The following ARMC9 variants were observed in gnomAD, a reference collection of about 807,000 sequenced individuals.
ARMC9 encodes the protein armadillo repeat containing 9.
ARMC9 carries 94 observed loss-of-function variants against 107.0 expected under a neutral mutation model. That is an observed-to-expected ratio of 0.88 (90% CI 0.74 to 1.04). The LOEUF is 1.04. Among genes scored for constraint, ARMC9 ranks in the 50% least tolerant of loss-of-function variants. The pLI is 0.00. For missense variants in ARMC9, 942 were observed against 1,030.1 expected (o/e 0.91, Z 1.17); for synonymous variants, 380 against 396.9 (o/e 0.96, Z 0.51).
At chr2:231,210,207 G>A (rs907226332) in intron 3 of ARMC9, among the ~76,000 whole-genome samples, 6 of 152,182 alleles carry the variant, frequency 3.9e-5, no homozygotes, top group Admixed American at 3.3e-4. Flanking sequence ...TGCCTGCTCC[G>A]CTTCAGGCCT....
At chr2:231,228,552 T>C (rs1456817408) in intron 7 of ARMC9, among the ~76,000 whole-genome samples, 1 of 152,226 alleles carries the variant, frequency 6.6e-6, no homozygotes, top group Non-Finnish European at 1.5e-5. Flanking sequence ...AGGAGGAAGC[T>C]GTATCACTTT....
At chr2:231,226,657 C>A in intron 6 of ARMC9, 117 bp from the exon 7 acceptor site, 2 of 1,251,924 alleles carry the variant, frequency 1.6e-6, no homozygotes, top group Non-Finnish European at 2.3e-6. Context: ...GCCCTCCCGG[C>A]TCCGAGAATT....
chr2:231,272,965 C>T lies in ARMC9; in HGVS notation c.1221C>T (p.Tyr407=), dbSNP rs765726557. 2 of 1,613,760 alleles carry T rather than the reference C, an allele frequency of 1.2e-6. No homozygotes were observed. The highest frequency in any genetic ancestry group is 1.7e-6 in the Non-Finnish European group (2 of 1,179,816). The change falls in exon 14 of 25, where the codon TAC becomes TAT. Residue 407 remains tyrosine (Y), a synonymous_variant. Coordinates refer to ENST00000611582, the MANE Select transcript of ARMC9 (RefSeq NM_001352754.2). ...CTGGTGTATTATCAGGTCGCCTCTA[C>T]CTTGCCCAGAACACAAAGGTGCTGC... ...AFASLAEGRL[Y]LAQNTKVLQM...
In ARMC9 at chr2:231,276,672, C is replaced by A. The variant is rs570319222; in HGVS notation, c.1371C>A (p.Leu457=). ...AGACAGCGATGATTCAAGACGGCCT[C>A]ATCTTCTGGCTGGTTGATGTTCTGA... The part of the protein sequence containing the change: ...PLQTAMIQDG[L]IFWLVDVLKD... Residue 457 remains leucine (L), a synonymous_variant, in exon 15 of 25, where the codon CTC becomes CTA. Coordinates refer to ENST00000611582, the MANE Select transcript of ARMC9 (RefSeq NM_001352754.2). 2.5e-6 allele frequency: 4 copies of A among 1,614,194 alleles called. No homozygotes were observed. The South Asian group carries it at 4.4e-5, about 18-fold the overall frequency.
chr2:231,366,281 C>G (rs2045815352), intron 23 of ARMC9, among the ~76,000 whole-genome samples: 1 of 152,186 alleles, frequency 6.6e-6, no homozygotes, highest in Non-Finnish European at 1.5e-5. Flanking sequence ...GGGTGATCTG[C>G]CTCACTCAGA....
chr2:231,254,234 TAAGC>T (rs1421055496), intron 9 of ARMC9, among the ~76,000 whole-genome samples: 1 of 152,172 alleles, frequency 6.6e-6, no homozygotes, highest in Non-Finnish European at 1.5e-5. Flanking sequence ...TAGACCTTCT[TAAGC>T]AAGACTGAAA....
intron 19 of ARMC9, among the ~76,000 whole-genome samples, chr2:231,317,805 T>C (rs1003350056): frequency 1.3e-5 from 2 of 152,214 alleles, no homozygotes; most frequent in African/African-American, 4.8e-5. Context: ...TTTCAGTTAT[T>C]GTACTTTTCA....
rs533511606 is a variant in ARMC9, at chr2:231,372,370, A to C, written c.*835A>C. ...GGTGACAGAGCGAGACTCCGTCCCCAAAAAAAAAATTCTGAGAATATGGTG... is the reference window on the plus strand; with the variant it reads ...GGTGACAGAGCGAGACTCCGTCCCCCAAAAAAAAATTCTGAGAATATGGTG... On this transcript the variant is annotated 3_prime_UTR_variant, in exon 25 of 25. Coordinates refer to ENST00000611582, the MANE Select transcript of ARMC9 (RefSeq NM_001352754.2). The C allele has an allele frequency of 0.011, 1,673 of 150,674 alleles. 19 individuals are homozygous for C. Among genetic ancestry groups the C allele is most frequent in the African/African-American group, 0.033 (1,354 of 41,192 alleles). 9.3% of individuals were successfully genotyped at this position (150,674 alleles called of 1,614,324 possible).
intron 9 of ARMC9, 80 bp downstream of exon 9, chr2:231,240,121 G>A (rs1203698799): frequency 4.1e-6 from 5 of 1,216,724 alleles, no homozygotes; most frequent in Admixed American, 2.2e-5. Flanking sequence ...AAAATAGCAT[G>A]AAAAAATAAC....
chr2:231,295,523 A>G (rs2041299673), intron 18 of ARMC9: 1 of 152,322 alleles, frequency 6.6e-6, no homozygotes, highest in East Asian at 1.9e-4. Flanking sequence ...GTGAGGTCCT[A>G]CCGACAACCC....
intron 19 of ARMC9, among the ~76,000 whole-genome samples, chr2:231,324,581 G>A (rs923913619): frequency 1.3e-5 from 2 of 151,040 alleles, no homozygotes; most frequent in African/African-American, 4.9e-5. Flanking sequence ...AAGAAACCCC[G>A]TCCCTACTGA....
In ARMC9 at chr2:231,297,395, T is replaced by C. The variant is rs2041448148; in HGVS notation, c.1773+1142T>C. On this transcript the variant is annotated intron_variant, in intron 19 of 24. Transcript: ENST00000611582. The surrounding 1 kb of genome is among the most constrained non-coding windows in gnomAD (Gnocchi z 4.2). ...ACACAGAGAGTTGATGGTGGTAAAA[T>C]TGGGTTTAGAACAGGAGTCGGCAGA... 6.6e-6 allele frequency among the ~76,000 whole-genome samples: 1 copy of C among 151,880 alleles called. No individual in the cohort carries two copies.
At position 231,265,091 on chromosome 2, in the gene ARMC9, C is replaced by T. The variant is rs549384946; in HGVS notation, c.1119+2693C>T. 4.7e-5 allele frequency among the ~76,000 whole-genome samples: 7 copies of T among 149,402 alleles called. 1 individual carries two copies. In the East Asian group the frequency reaches 9.9e-4, roughly 21 times the overall value. On this transcript the variant is annotated intron_variant, in intron 12 of 24. Coordinates refer to ENST00000611582, the MANE Select transcript of ARMC9 (RefSeq NM_001352754.2). ...CTAGCCTGGCGACAGAGTGAGACTG[C>T]GTCTCAAAAAAAAAAAAGAAGAAGA...
At position 231,282,111 on chromosome 2, in the gene ARMC9, T is replaced by C; in HGVS notation, c.1604T>C (p.Ile535Thr). 7 of 1,614,160 alleles carry C rather than the reference T, an allele frequency of 4.3e-6. No individual in the cohort carries two copies. The highest frequency in any genetic ancestry group is 5.9e-6 in the Non-Finnish European group (7 of 1,179,996). The change falls in exon 17 of 25, where the codon ATT becomes ACT. Residue 535 changes from isoleucine (I) to threonine (T), a missense_variant. By Grantham distance (89) the Ile-to-Thr change is moderately conservative. Transcript: ENST00000611582. ...ALYSILSVPSIREEARAMGME... is the reference protein window; with the variant it reads ...ALYSILSVPSTREEARAMGME... ...TACAGCATCCTTTCTGTTCCATCCA[T>C]TCGTGAGGAAGCAAGAGCAATGGTA...
At chr2:231,343,750 A>C (rs2044655331) in intron 20 of ARMC9, among the ~76,000 whole-genome samples, 1 of 152,146 alleles carries the variant, frequency 6.6e-6, no homozygotes, top group Non-Finnish European at 1.5e-5. Flanking sequence ...TTTCTTTCCA[A>C]GGTCTTTTTG....
intron 20 of ARMC9, among the ~76,000 whole-genome samples, chr2:231,341,061 G>T (rs1050907142): frequency 6.6e-6 from 1 of 151,920 alleles, no homozygotes; most frequent in Non-Finnish European, 1.5e-5. Flanking sequence ...CTATGGTGAC[G>T]CATGCCTGTA....
At chr2:231,289,304 A>T (rs565827597) in intron 17 of ARMC9, among the ~76,000 whole-genome samples, 22 of 152,164 alleles carry the variant, frequency 1.4e-4, no homozygotes, top group African/African-American at 5.1e-4. Context: ...CCATCTCTAC[A>T]AAAAATACAA....
chr2:231,341,069 G>A (rs914924657), intron 20 of ARMC9, among the ~76,000 whole-genome samples: 1 of 152,126 alleles, frequency 6.6e-6, no homozygotes, highest in Non-Finnish European at 1.5e-5. Flanking sequence ...ACGCATGCCT[G>A]TAGTCTCAGC....
rs1281460655 is a variant in ARMC9, at chr2:231,297,264, C to T, written c.1773+1011C>T. Among the ~76,000 whole-genome samples the T allele has an allele frequency of 6.6e-6, 1 of 152,174 alleles. No individual in the cohort carries two copies. The highest frequency in any genetic ancestry group is 1.5e-5 in the Non-Finnish European group (1 of 68,032). On this transcript the variant is annotated intron_variant, in intron 19 of 24. Coordinates refer to ENST00000611582, the MANE Select transcript of ARMC9 (RefSeq NM_001352754.2). This position sits in a 1 kb window ranked among gnomAD's most constrained non-coding sequence, Gnocchi z 4.2. ...TGCTGGCTCTTCCTGCCTTGTCCAGCAGTGCAGAGCTTGACCTCCAGATAG... is the reference window on the plus strand; with the variant it reads ...TGCTGGCTCTTCCTGCCTTGTCCAGTAGTGCAGAGCTTGACCTCCAGATAG...
Sources: allele counts gnomAD v4.1 joint callset (sites outside exome capture counted in the v4.1 genomes callset), GRCh38; gene constraint gnomAD v4.1.1; non-coding constraint Gnocchi (gnomAD v3.1); transcripts MANE v1.5; gene names NCBI Gene and HGNC (gene_info 2026-07-23, HGNC 2026-07-21).